The following MYLIP variants were observed in gnomAD, a reference collection of about 807,000 sequenced individuals.
The protein encoded by MYLIP is E3 ubiquitin-protein ligase MYLIP.
In MYLIP, 26 loss-of-function variants were observed where a neutral mutation model predicts 45.8. The ratio of observed to expected loss-of-function variants is 0.57; its 90% CI spans 0.42 to 0.79. The LOEUF (loss-of-function observed/expected upper bound fraction) is 0.79, where lower values mean the gene tolerates loss of function less well. MYLIP is among the 30% of genes least tolerant of loss of function. The pLI is 0.00. For synonymous variants in MYLIP, 213 were observed against 218.1 expected (o/e 0.98, Z 0.21); for missense variants, 494 against 555.6 (o/e 0.89, Z 1.11).
chr6:16,132,316 AC>A (rs1489211586), intron 2 of MYLIP, among the ~76,000 whole-genome samples: 2 of 152,164 alleles, frequency 1.3e-5, no homozygotes, highest in Non-Finnish European at 2.9e-5. Context: ...TGGGTTAGTA[AC>A]TATTATCAAA....
Position 16,146,718 on chromosome 6 carries a change from G to C in MYLIP, c.1305G>C (p.Thr435=). The change falls in exon 7 of 7, where the codon ACG becomes ACC. Residue 435 remains threonine, a synonymous_variant. Transcript: ENST00000356840. ...VEHVQHVYLP[T]HTSLLNLTVI is the part of the protein sequence containing the mutation. ...ATGTCCAGCACGTCTATCTGCCAACGCACACCAGTCTTCTCAATCTGACTG... is the reference window on the plus strand; with the variant it reads ...ATGTCCAGCACGTCTATCTGCCAACCCACACCAGTCTTCTCAATCTGACTG... 3 of 1,611,476 alleles carry C rather than the reference G, an allele frequency of 1.9e-6. No homozygotes were observed. Among genetic ancestry groups the C allele is most frequent in the Non-Finnish European group, 2.5e-6 (3 of 1,178,550 alleles).
downstream of MYLIP, among the ~76,000 whole-genome samples, chr6:16,151,201 CA>C (rs1224697711): frequency 6.7e-6 from 1 of 149,984 alleles, no homozygotes; most frequent in African/African-American, 2.5e-5. Flanking sequence ...AAAAAAAATA[CA>C]AAAAATCAGC....
At chr6:16,152,101 G>A (rs1287338636), downstream of MYLIP, among the ~76,000 whole-genome samples, 1 of 152,170 alleles carries the variant, frequency 6.6e-6, no homozygotes, top group Non-Finnish European at 1.5e-5. Context: ...TGATGGAAAG[G>A]GAAAGCATGA....
At chr6:16,130,242 C>T (rs1759431226) in intron 1 of MYLIP, among the ~76,000 whole-genome samples, 1 of 152,092 alleles carries the variant, frequency 6.6e-6, no homozygotes, top group Non-Finnish European at 1.5e-5. Flanking sequence ...GAGGGAATTC[C>T]GGTGATTGGA....
chr6:16,143,434 A>G (rs985655808), intron 4 of MYLIP, among the ~76,000 whole-genome samples: 4 of 152,166 alleles, frequency 2.6e-5, no homozygotes, highest in Non-Finnish European at 5.9e-5. Context: ...CAAATAACCC[A>G]TTCACTGCCA....
chr6:16,140,804 A>T (rs1293312235), intron 2 of MYLIP, among the ~76,000 whole-genome samples: 1 of 152,232 alleles, frequency 6.6e-6, no homozygotes, highest in Non-Finnish European at 1.5e-5. Flanking sequence ...TCCCTTGGCA[A>T]GCCGTACAGA....
intron 2 of MYLIP, among the ~76,000 whole-genome samples, chr6:16,140,597 G>A (rs1015661021): frequency 3.3e-5 from 5 of 152,124 alleles, no homozygotes; most frequent in African/African-American, 1.2e-4. Context: ...CAAGCAAGGC[G>A]ACAGAAAGAA....
rs750142606 is a variant in MYLIP, at chr6:16,129,445, C to A, written c.87+36C>A. ...GGGGCAAGAAGGGGCCCCGGCGGGT[C>A]CCGCGAGGCCGAGGGGCCTCGCAGC... On this transcript the variant is annotated intron_variant, in intron 1 of 6. Transcript: ENST00000356840. The surrounding 1 kb of genome is among the most constrained non-coding windows in gnomAD (Gnocchi z 5.1). 1.2e-5 allele frequency: 19 copies of A among 1,551,776 alleles called. No homozygotes were observed. Among genetic ancestry groups the A allele is most frequent in the South Asian group, 2.4e-5 (2 of 84,592 alleles).
At chr6:16,131,737 A>T (rs945979373) in intron 2 of MYLIP, among the ~76,000 whole-genome samples, 1 of 152,196 alleles carries the variant, frequency 6.6e-6, no homozygotes, top group African/African-American at 2.4e-5. Flanking sequence ...AGTTTTTTAC[A>T]TGACATTTGC....
chr6:16,140,243 A>G (rs1350867937), intron 2 of MYLIP, among the ~76,000 whole-genome samples: 7 of 152,260 alleles, frequency 4.6e-5, no homozygotes, highest in Admixed American at 4.6e-4. Flanking sequence ...CACATTTGCC[A>G]GGGACACTTG....
At chr6:16,149,103 T>C (rs73724998), downstream of MYLIP, among the ~76,000 whole-genome samples, 389 of 152,326 alleles carry the variant, frequency 2.6e-3, 4 homozygotes, top group African/African-American at 8.9e-3. Context: ...TCTGGATGCC[T>C]GTATCATGTA....
At chr6:16,162,716 C>T in the MYLIP span, among the ~76,000 whole-genome samples, 173 of 139,116 alleles carry the variant, frequency 1.2e-3, 1 homozygote, top group South Asian at 0.02. Flanking sequence ...TTTGGAGGGC[C>T]GAGGTGGGAG....
chr6:16,133,757 C>T (rs184672658), intron 2 of MYLIP, among the ~76,000 whole-genome samples: 191 of 152,288 alleles, frequency 1.3e-3, no homozygotes, highest in Non-Finnish European at 2.0e-3. Context: ...ATATTTTGCT[C>T]CCGACTTAGC....
At chr6:16,162,785 TA>T in the MYLIP span, among the ~76,000 whole-genome samples, 237 of 69,598 alleles carry the variant, frequency 3.4e-3, 5 homozygotes, top group Non-Finnish European at 2.9e-3. Flanking sequence ...ACCTCAACTC[TA>T]AAAAAAAAAA....
At position 16,129,131 on chromosome 6, in the gene MYLIP, CTGGCGGGCAGCGGGTGAGGGGG is replaced by C. The variant is rs1759398035; in HGVS notation, c.-184_-163del. ...GCGCCACCGCGGAGGACAGGGGCAG[CTGGCGGGCAGCGGGTGAGGGGG>C]TGGCGGGGACGCGAGTGGCGGCCGC... On this transcript the variant is annotated 5_prime_UTR_variant, in exon 1 of 7. Coordinates refer to ENST00000356840, the MANE Select transcript of MYLIP (RefSeq NM_013262.4). This position sits in a 1 kb window ranked among gnomAD's most constrained non-coding sequence, Gnocchi z 5.1. 1.7e-6 allele frequency: 1 copy of C among 586,554 alleles called. No individual in the cohort carries two copies. Among genetic ancestry groups the C allele is most frequent in the African/African-American group, 2.0e-5 (1 of 50,942 alleles). 36.3% of individuals were successfully genotyped at this position (586,554 alleles called of 1,614,324 possible). A position where few individuals can be genotyped will look rare whatever the true frequency, so the allele number is the denominator to read the frequency against.
chr6:16,132,132 C>A (rs1561785668), intron 2 of MYLIP, among the ~76,000 whole-genome samples: 1 of 152,188 alleles, frequency 6.6e-6, no homozygotes, highest in Non-Finnish European at 1.5e-5. Context: ...TCTCTAGATG[C>A]AACCCAGTTT....
downstream of MYLIP, among the ~76,000 whole-genome samples, chr6:16,148,926 A>AT (rs913818397): frequency 6.6e-6 from 1 of 152,020 alleles, no homozygotes; most frequent in East Asian, 1.9e-4. Context: ...AAGTAAATTT[A>AT]TTTTTTTTAA....
intron 1 of MYLIP, among the ~76,000 whole-genome samples, chr6:16,130,301 C>T (rs1375087592): frequency 6.6e-6 from 1 of 152,104 alleles, no homozygotes; most frequent in Non-Finnish European, 1.5e-5. Context: ...TTTTGGAAGG[C>T]TACTTTTGAG....
At chr6:16,160,395 TC>T in the MYLIP span, among the ~76,000 whole-genome samples, 1 of 152,158 alleles carries the variant, frequency 6.6e-6, no homozygotes, top group African/African-American at 2.4e-5. Context: ...GGCTGAACCT[TC>T]CCAGCCTCAT....
Sources: gnomAD v4.1 joint callset for allele counts (sites outside exome capture counted in the v4.1 genomes callset) on GRCh38, gnomAD v4.1.1 for gene constraint, Gnocchi (gnomAD v3.1) non-coding constraint, MANE v1.5 for transcripts, NCBI Gene and HGNC (gene_info 2026-07-23, HGNC 2026-07-21) for gene names.